RGL3: variants seen among roughly 807,000 people sequenced by gnomAD.
The protein encoded by RGL3 is ral guanine nucleotide dissociation stimulator-like 3.
RGL3 carries 85 observed loss-of-function variants against 90.6 expected under a neutral mutation model. The observed-to-expected ratio is 0.94, with a 90% CI of 0.79 to 1.12. RGL3 has a LOEUF of 1.12. RGL3 is among the 50% of genes most tolerant of loss of function. The pLI, the probability that RGL3 is intolerant of heterozygous loss-of-function variation, is 0.00. For synonymous variants in RGL3, 408 were observed against 385.5 expected (o/e 1.06, Z -0.68); for missense variants, 1,034 against 939.2 (o/e 1.10, Z -1.32).
rs1242048737 is a variant in RGL3, at chr19:11,394,198, C to T, written c.*204G>A. The T allele has an allele frequency of 7.2e-6, 4 of 554,932 alleles. No individual in the cohort carries two copies. The highest frequency in any genetic ancestry group is 6.2e-5 in the Admixed American group (2 of 32,206). 34.4% of individuals were successfully genotyped at this position (554,932 alleles called of 1,614,324 possible). A position where few individuals can be genotyped will look rare whatever the true frequency, so the allele number is the denominator to read the frequency against. ...ACATTTATGGGATTGAGCTCTCCAC[C>T]AGCCACCCATGGGCTGATGTCTTTG... On this transcript the variant is annotated 3_prime_UTR_variant, in exon 19 of 19. Coordinates refer to ENST00000380456, the MANE Select transcript of RGL3 (RefSeq NM_001035223.4).
intron 18 of RGL3, among the ~76,000 whole-genome samples, chr19:11,396,354 G>C (rs1227792572): frequency 1.3e-5 from 2 of 150,162 alleles, no homozygotes; most frequent in African/African-American, 4.9e-5. Context: ...ATTTTTAGTA[G>C]AGACGGGGCT....
intron 5 of RGL3, among the ~76,000 whole-genome samples, chr19:11,407,786 A>G (rs1019841313): frequency 2.0e-5 from 3 of 151,350 alleles, no homozygotes; most frequent in Non-Finnish European, 4.4e-5. Context: ...TCCAGGTTTC[A>G]ACCAATTCTC....
intron 16 of RGL3, 134 bp downstream of exon 16, chr19:11,399,721 G>C (rs1968637913): frequency 6.1e-6 from 3 of 493,686 alleles, no homozygotes; most frequent in Non-Finnish European, 1.0e-5. Context: ...GATACCCCGG[G>C]CGCTCAGTGT....
intron 13 of RGL3, among the ~76,000 whole-genome samples, chr19:11,401,423 T>G (rs1427361982): frequency 6.8e-6 from 1 of 146,350 alleles, no homozygotes; most frequent in Non-Finnish European, 1.5e-5. Flanking sequence ...TGAGACGGAG[T>G]CTCGCTCTGT....
intron 18 of RGL3, chr19:11,394,728 T>A: frequency 3.8e-6 from 2 of 529,092 alleles, no homozygotes; most frequent in Non-Finnish European, 6.9e-6. Context: ...CCTTCCCTTA[T>A]CATAAGCCTG....
intron 9 of RGL3, among the ~76,000 whole-genome samples, chr19:11,403,641 A>G (rs1164994286): frequency 2.0e-5 from 2 of 100,026 alleles, no homozygotes; most frequent in Non-Finnish European, 4.1e-5. Context: ...ACTCCATCTC[A>G]AAAAAAAAAA....
intron 5 of RGL3, among the ~76,000 whole-genome samples, chr19:11,413,777 T>A (rs1968912441): frequency 6.7e-6 from 1 of 148,332 alleles, no homozygotes; most frequent in Non-Finnish European, 1.5e-5. Flanking sequence ...AGAGTCTCGC[T>A]CTGTCACCCA....
chr19:11,400,758 G>A (rs1968661268), intron 13 of RGL3, among the ~76,000 whole-genome samples: 1 of 151,866 alleles, frequency 6.6e-6, no homozygotes, highest in Admixed American at 6.6e-5. Flanking sequence ...GGGAGGCTGA[G>A]GCAGTAGAAT....
chr19:11,406,517 T>C lies in RGL3; in HGVS notation c.898A>G (p.Thr300Ala). 6.4e-7 allele frequency: 1 copy of C among 1,553,120 alleles called. No individual in the cohort carries two copies. Among genetic ancestry groups the C allele is most frequent in the South Asian group, 1.2e-5 (1 of 84,512 alleles). The stretch of plus-strand genomic sequence containing the variant: ...GAACCCAGCACACAGCCGGTCACGG[T>C]GTTGAACTGGGCCACGGTGGCGCGC... ...TVRATVAQFN[T>A]VTGCVLGSVL... The change falls in exon 7 of 19, where the codon ACC becomes GCC. Residue 300 changes from threonine (T) to alanine (A), a missense_variant. Thr to Ala is a moderately conservative substitution (Grantham distance 58). Coordinates refer to ENST00000380456, the MANE Select transcript of RGL3 (RefSeq NM_001035223.4).
At chr19:11,395,617 C>T (rs1968550842) in intron 18 of RGL3, among the ~76,000 whole-genome samples, 1 of 152,092 alleles carries the variant, frequency 6.6e-6, no homozygotes, top group Non-Finnish European at 1.5e-5. Context: ...TCTCACTCGA[C>T]CCTAGACAAT....
At chr19:11,417,690 T>A (rs1243081469) in intron 2 of RGL3, among the ~76,000 whole-genome samples, 2 of 151,590 alleles carry the variant, frequency 1.3e-5, no homozygotes, top group Non-Finnish European at 2.9e-5. Flanking sequence ...CAGGTTGGTC[T>A]TGAACTCCTG....
In RGL3 at chr19:11,402,530, TG is replaced by T; in HGVS notation, c.1253del (p.Pro418GlnfsTer57). On this transcript the variant is annotated frameshift_variant, in exon 11 of 19. Coordinates refer to ENST00000380456, the MANE Select transcript of RGL3 (RefSeq NM_001035223.4). LOFTEE classifies it high-confidence loss of function. ...TPGSLPSKPPPGPVPYLGTFL... is the reference protein window; with the variant it reads ...TPGSLPSKPPXGPVPYLGTFL... The stretch of plus-strand genomic sequence containing the variant: ...AGGTGCCAAGGTAGGGGACAGGGCC[TG>T]GGGGTGGTTTCTGCAGCCCCCAAAG... 6.2e-7 allele frequency: 1 copy of T among 1,606,134 alleles called. No individual in the cohort carries two copies. The highest frequency in any genetic ancestry group is 8.5e-7 in the Non-Finnish European group (1 of 1,177,680).
rs368117356 is a variant in RGL3 at position 11,397,246 on chromosome 19, C to T, written c.2012G>A (p.Arg671Gln). 6.9e-5 allele frequency: 112 copies of T among 1,613,278 alleles called. 1 individual carries two copies. The South Asian group carries it at 7.7e-4, about 11-fold the overall frequency. Residue 671 changes from arginine (R) to glutamine (Q), a missense_variant and splice_region_variant, in exon 18 of 19, where the codon CGG becomes CAG. Arg to Gln is a conservative substitution (Grantham distance 43). Transcript: ENST00000380456. ...AGCTCCAACCCATCCCTGCTCACCC[C>T]GGTCCCCAGGAAGGACTTGAAAGAG... is the stretch of plus-strand genomic sequence containing the variant. ...YQLFQVLPGD[R>Q]VLLIPDNANV...
intron 18 of RGL3, among the ~76,000 whole-genome samples, chr19:11,395,815 G>T (rs1435864328): frequency 6.6e-6 from 1 of 151,616 alleles, no homozygotes; most frequent in Non-Finnish European, 1.5e-5. Context: ...TTTTAGTAGA[G>T]ACGAGGCTTC....
rs139553006 is a variant in RGL3, at chr19:11,397,468, C to T, written c.1876G>A (p.Gly626Arg). The change falls in exon 17 of 19, where the codon GGG becomes AGG. Residue 626 changes from glycine to arginine, a missense_variant. Transcript: ENST00000380456. The part of the protein sequence containing the change: ...VIRVSIDNDH[G>R]NLYRSILLTS... ...ACCAAGATGCTTCGATACAGGTTCC[C>T]GTGGTCATTGTCGATGCTGACGCGG... 4.2e-4 allele frequency: 679 copies of T among 1,611,950 alleles called. No individual in the cohort carries two copies. The highest frequency in any genetic ancestry group is 5.2e-4 in the Non-Finnish European group (610 of 1,178,710).
In RGL3 at chr19:11,409,307, C is replaced by T. The variant is rs1340851852; in HGVS notation, c.638-2443G>A. On this transcript the variant is annotated intron_variant, in intron 5 of 18. Transcript: ENST00000380456. ...CATCCTGGCTAACATGGTGAAACCC[C>T]GTCTCTACTAAAAAATAGAAAAAAT... is the stretch of plus-strand genomic sequence containing the variant. Among the ~76,000 whole-genome samples the T allele has an allele frequency of 5.9e-5, 9 of 152,124 alleles. 1 individual carries two copies. Among genetic ancestry groups the T allele is most frequent in the Admixed American group, 2.0e-4 (3 of 15,250 alleles).
chr19:11,397,302 A>T lies in RGL3; in HGVS notation c.1956T>A (p.Asn652Lys). Residue 652 changes from asparagine to lysine, a missense_variant, in exon 18 of 19, where the codon AAT becomes AAA. Physicochemically the swap from Asn to Lys is moderately conservative, Grantham distance 94. Coordinates refer to ENST00000380456, the MANE Select transcript of RGL3 (RefSeq NM_001035223.4). Reference sequence around the variant, plus strand: ...AGTCACAGGCCCAGGGCTGGGGCACATTGTGCTTCTGCAAGGCTCGCCGGA... The same window carrying T: ...AGTCACAGGCCCAGGGCTGGGGCACTTTGTGCTTCTGCAAGGCTCGCCGGA... ...SVVRRALQKH[N>K]VPQPWACDYQ... The T allele has an allele frequency of 6.2e-7, 1 of 1,612,908 alleles. No individual in the cohort carries two copies. The highest frequency in any genetic ancestry group is 8.5e-7 in the Non-Finnish European group (1 of 1,179,564).
intron 15 of RGL3, 41 bp downstream of exon 15, chr19:11,399,999 A>T: frequency 6.3e-7 from 1 of 1,596,138 alleles, no homozygotes; most frequent in Non-Finnish European, 8.5e-7. Context: ...CTGACTCCTG[A>T]TCCCATGATC....
chr19:11,405,550 G>A (rs376628070), intron 7 of RGL3, 124 bp from the exon 8 acceptor site: 16 of 742,168 alleles, frequency 2.2e-5, no homozygotes, highest in Admixed American at 3.8e-5. Flanking sequence ...GAGAGATAGG[G>A]TCTGTGGCCC....
Sources: gnomAD v4.1 joint callset for allele counts (sites outside exome capture counted in the v4.1 genomes callset) on GRCh38, gnomAD v4.1.1 for gene constraint, MANE v1.5 for transcripts, NCBI Gene and HGNC (gene_info 2026-07-23, HGNC 2026-07-21) for gene names.